Variants in RGS6 observed in about 807,000 individuals in gnomAD.
RGS6 encodes regulator of G protein signaling 6, also known as regulator of G-protein signaling 6.
RGS6 carries 30 observed loss-of-function variants against 78.5 expected under a neutral mutation model. The observed-to-expected ratio is 0.38, with a 90% CI of 0.29 to 0.52. RGS6 has a LOEUF of 0.52. Among genes scored for constraint, RGS6 ranks in the 20% least tolerant of loss-of-function variants. The pLI is 0.85. For synonymous variants in RGS6, 206 were observed against 206.0 expected (o/e 1.00, Z 0.00); for missense variants, 495 against 609.7 (o/e 0.81, Z 1.98).
At chr14:72,486,166 C>G (rs1272604563) in intron 12 of RGS6, among the ~76,000 whole-genome samples, 2 of 152,154 alleles carry the variant, frequency 1.3e-5, no homozygotes, top group African/African-American at 4.8e-5. Context: ...GTTTGCTTCC[C>G]CTTCCCCCAT....
At chr14:72,341,362 CT>C (rs1180946151) in intron 2 of RGS6, among the ~76,000 whole-genome samples, 1 of 152,202 alleles carries the variant, frequency 6.6e-6, no homozygotes, top group Non-Finnish European at 1.5e-5. Context: ...ATTCACTCAC[CT>C]CCCACGAGGC....
chr14:72,606,935 C>CA, the RGS6 span, among the ~76,000 whole-genome samples: 1 of 152,192 alleles, frequency 6.6e-6, no homozygotes, highest in East Asian at 1.9e-4. Flanking sequence ...TCCTGAGGTC[C>CA]TTACAAGAAG....
At chr14:72,572,273 C>G in the RGS6 span, among the ~76,000 whole-genome samples, 1 of 152,134 alleles carries the variant, frequency 6.6e-6, no homozygotes, top group Non-Finnish European at 1.5e-5. Context: ...TACTCTATGA[C>G]CCAGCAATTC....
intron 17 of RGS6, among the ~76,000 whole-genome samples, chr14:72,558,062 T>C (rs2097608479): frequency 6.6e-6 from 1 of 152,146 alleles, no homozygotes; most frequent in Non-Finnish European, 1.5e-5. Context: ...CTCAATGAAT[T>C]TGACAAGTGT....
intron 3 of RGS6, among the ~76,000 whole-genome samples, chr14:72,399,241 A>G (rs2091986045): frequency 6.6e-6 from 1 of 151,784 alleles, no homozygotes; most frequent in Admixed American, 6.6e-5. Context: ...TATATTTAGG[A>G]TAGTTAGTTC....
the RGS6 span, among the ~76,000 whole-genome samples, chr14:72,593,866 C>T: frequency 2.6e-5 from 4 of 151,100 alleles, no homozygotes; most frequent in African/African-American, 9.7e-5. Context: ...GAAGCTGAAC[C>T]GCCCAGGTGA....
intron 6 of RGS6, among the ~76,000 whole-genome samples, chr14:72,461,125 C>T (rs938268585): frequency 1.3e-5 from 2 of 152,276 alleles, no homozygotes; most frequent in African/African-American, 4.8e-5. Context: ...TTTGACCGCT[C>T]ATAAAACTAG....
intron 2 of RGS6, among the ~76,000 whole-genome samples, chr14:72,251,286 T>G (rs989083777): frequency 2.0e-5 from 3 of 152,212 alleles, no homozygotes; most frequent in Admixed American, 6.5e-5. Context: ...ATGGTCAGAA[T>G]TTTGCTTTCT....
chr14:72,293,957 T>C (rs1269324240), intron 2 of RGS6, among the ~76,000 whole-genome samples: 4 of 152,202 alleles, frequency 2.6e-5, no homozygotes, highest in African/African-American at 9.7e-5. Context: ...CGTTTGCCAA[T>C]CCCTGGGCTA....
At chr14:71,934,841 C>T (rs960363993) in intron 1 of RGS6, among the ~76,000 whole-genome samples, 1 of 152,182 alleles carries the variant, frequency 6.6e-6, no homozygotes, top group Admixed American at 6.5e-5. Flanking sequence ...ATCCCCTGAA[C>T]TCCTAAGACT....
the RGS6 span, among the ~76,000 whole-genome samples, chr14:71,922,617 T>G: frequency 5.0e-4 from 76 of 152,376 alleles, no homozygotes; most frequent in African/African-American, 1.7e-3. Context: ...TTCATTTAGA[T>G]ATTACTAGTT....
intron 3 of RGS6, among the ~76,000 whole-genome samples, chr14:72,400,702 T>C (rs1184947393): frequency 1.3e-5 from 2 of 152,258 alleles, no homozygotes; most frequent in African/African-American, 4.8e-5. Context: ...AGTAGAAGTC[T>C]GGCAGACTAG....
chr14:71,934,731 G>C (rs1043211111), intron 1 of RGS6, among the ~76,000 whole-genome samples: 3 of 152,190 alleles, frequency 2.0e-5, no homozygotes, highest in African/African-American at 7.2e-5. Context: ...TGGACAATTT[G>C]CCAGTAATTT....
At position 72,047,228 on chromosome 14, in the gene RGS6, G is replaced by A. The variant is rs140273615; in HGVS notation, c.84+82353G>A. 1.2e-4 allele frequency among the ~76,000 whole-genome samples: 19 copies of A among 152,294 alleles called. 1 individual carries two copies. Among genetic ancestry groups the A allele is most frequent in the African/African-American group, 4.6e-4 (19 of 41,558 alleles). On this transcript the variant is annotated intron_variant, in intron 2 of 17. Transcript: ENST00000553525. ...TACTCTCATCTGGAATTGTCTCCTAGCTGAGTGGTTAAGCTATAGAAGCCC... is the reference window on the plus strand; with the variant it reads ...TACTCTCATCTGGAATTGTCTCCTAACTGAGTGGTTAAGCTATAGAAGCCC...
At chr14:72,454,624 A>G in intron 4 of RGS6, 46 bp downstream of exon 4, 4 of 1,534,364 alleles carry the variant, frequency 2.6e-6, no homozygotes, top group African/African-American at 1.4e-5. Context: ...GTATCAGTAA[A>G]CATCCCATAA....
intron 3 of RGS6, among the ~76,000 whole-genome samples, chr14:72,431,540 T>TTTTA (rs1193387914): frequency 1.3e-5 from 2 of 150,986 alleles, no homozygotes; most frequent in Non-Finnish European, 3.0e-5. Flanking sequence ...TTTTATTTTA[T>TTTTA]TTTATTTTAT....
At position 72,219,900 on chromosome 14, in the gene RGS6, G is replaced by A. The variant is rs138039074; in HGVS notation, c.85-132195G>A. On this transcript the variant is annotated intron_variant, in intron 2 of 17. Transcript: ENST00000553525. ...TATGTTCATTTTTTTTCTTCCAGACGAACATTCCTCAGTTGTTCCAAATAG... is the reference window on the plus strand; with the variant it reads ...TATGTTCATTTTTTTTCTTCCAGACAAACATTCCTCAGTTGTTCCAAATAG... 9.3e-4 allele frequency among the ~76,000 whole-genome samples: 142 copies of A among 151,876 alleles called. 1 individual carries two copies. The East Asian group carries it at 0.021, about 22-fold the overall frequency.
At chr14:72,241,494 A>G (rs2052818433) in intron 2 of RGS6, among the ~76,000 whole-genome samples, 1 of 152,212 alleles carries the variant, frequency 6.6e-6, no homozygotes, top group African/African-American at 2.4e-5. Flanking sequence ...AAAATTGCCC[A>G]TAATTCTCCA....
At chr14:72,106,737 T>C (rs1254787238) in intron 2 of RGS6, among the ~76,000 whole-genome samples, 1 of 152,162 alleles carries the variant, frequency 6.6e-6, no homozygotes, top group Non-Finnish European at 1.5e-5. Flanking sequence ...TTCCATACAG[T>C]GTATCTGATG....
Sources: gnomAD v4.1 joint callset for allele counts (sites outside exome capture counted in the v4.1 genomes callset) on GRCh38, gnomAD v4.1.1 for gene constraint, MANE v1.5 for transcripts, NCBI Gene and HGNC (gene_info 2026-07-23, HGNC 2026-07-21) for gene names.